The following ITIH2 variants were observed in gnomAD, a reference collection of about 807,000 sequenced individuals.
The protein encoded by ITIH2 is inter-alpha-trypsin inhibitor heavy chain 2.
In ITIH2, 103 loss-of-function variants were observed where a neutral mutation model predicts 104.4. The observed-to-expected ratio is 0.99, with a 90% CI of 0.84 to 1.16. The LOEUF is 1.16. ITIH2 is among the 50% of genes most tolerant of loss of function. The pLI is 0.00. For missense variants in ITIH2, 1,108 were observed against 1,162.4 expected (o/e 0.95, Z 0.68); for synonymous variants, 436 against 435.4 (o/e 1.00, Z -0.02).
At chr10:7,706,084 G>A (rs1484448991) in intron 2 of ITIH2, among the ~76,000 whole-genome samples, 1 of 152,012 alleles carries the variant, frequency 6.6e-6, no homozygotes. Flanking sequence ...ATTTTGTATG[G>A]GTGTGAATTT....
intron 8 of ITIH2, among the ~76,000 whole-genome samples, chr10:7,722,180 T>C (rs916643679): frequency 2.0e-5 from 3 of 152,146 alleles, no homozygotes; most frequent in African/African-American, 7.2e-5. Context: ...GGCCAAGGTT[T>C]ATCATGAAGT....
intron 20 of ITIH2, 121 bp from the exon 21 acceptor site, chr10:7,749,066 G>C (rs549000194): frequency 1.1e-6 from 1 of 933,868 alleles, no homozygotes; most frequent in Non-Finnish European, 1.7e-6. Flanking sequence ...GGGGAGCAGC[G>C]ATAGGTGGGG....
chr10:7,719,782 A>AAAAAAAAAAAAAAAAAAAAAAAAAAAAAC (rs754890159), intron 6 of ITIH2, among the ~76,000 whole-genome samples: 2 of 137,092 alleles, frequency 1.5e-5, no homozygotes, highest in African/African-American at 2.9e-5. Context: ...AAAAAAAAAA[A>AAAAAAAAAAAAAAAAAAAAAAAAAAAAAC]AGAAAGAAAG....
At chr10:7,719,760 CAAAAAAAAAAAAAA>C (rs71385664) in intron 6 of ITIH2, among the ~76,000 whole-genome samples, 1 of 41,718 alleles carries the variant, frequency 2.4e-5, no homozygotes, top group African/African-American at 1.0e-4. Flanking sequence ...GACCCTGTCT[CAAAAAAAAAAAAAA>C]AAAAAAAAAG....
Position 7,724,372 on chromosome 10 carries a change from A to G in ITIH2, c.984+805A>G, listed in dbSNP as rs139221791. On this transcript the variant is annotated intron_variant, in intron 9 of 20. Transcript: ENST00000358415. ...GATCACCTGAGGTTGGGAGTTTGAG[A>G]CCAGCCTGACCAACATGGAGAAACC... is the stretch of plus-strand genomic sequence containing the variant. Among the ~76,000 whole-genome samples, 25 of 152,096 alleles carry G rather than the reference A, an allele frequency of 1.6e-4. No homozygotes were observed. The East Asian group carries it at 4.8e-3, about 29-fold the overall frequency.
intron 4 of ITIH2, among the ~76,000 whole-genome samples, chr10:7,710,073 C>T (rs1055230212): frequency 2.6e-5 from 4 of 152,274 alleles, no homozygotes; most frequent in African/African-American, 9.6e-5. Context: ...AGGATGGTCT[C>T]GATCTCTTGA....
At chr10:7,712,939 C>T (rs569527507) in intron 4 of ITIH2, among the ~76,000 whole-genome samples, 1 of 150,212 alleles carries the variant, frequency 6.7e-6, no homozygotes, top group Non-Finnish European at 1.5e-5. Context: ...GCCAACATGG[C>T]GAAACCCAAT....
intron 6 of ITIH2, 91 bp from the exon 7 acceptor site, chr10:7,720,764 AG>A: frequency 1.3e-6 from 1 of 760,660 alleles, no homozygotes; most frequent in Non-Finnish European, 2.3e-6. Flanking sequence ...GGAGGAGAAA[AG>A]CATCAGAGGA....
rs1348574678 is a variant in ITIH2, at chr10:7,727,802, T to A, written c.1253T>A (p.Leu418Ter). ...CCCAACTCCGTCTCGCTGATCATTTTGGTTTCTGATGGAGATCCAACAGTG... is the reference window on the plus strand; with the variant it reads ...CCCAACTCCGTCTCGCTGATCATTTAGGTTTCTGATGGAGATCCAACAGTG... ...LDPNSVSLII[L>*]VSDGDPTVGE... The change falls in exon 11 of 21, where the codon TTG (leucine) becomes TAG (stop). Residue 418 changes from leucine (L) to a stop codon, truncating the protein, a stop_gained. Coordinates refer to ENST00000358415, the MANE Select transcript of ITIH2 (RefSeq NM_002216.3). LOFTEE classifies it high-confidence loss of function. 1 of 1,614,222 alleles carries A rather than the reference T, an allele frequency of 6.2e-7. No individual in the cohort carries two copies. Among genetic ancestry groups the A allele is most frequent in the Middle Eastern group, 1.6e-4 (1 of 6,062 alleles).
At chr10:7,711,948 G>A (rs1834799941) in intron 4 of ITIH2, among the ~76,000 whole-genome samples, 1 of 152,170 alleles carries the variant, frequency 6.6e-6, no homozygotes, top group African/African-American at 2.4e-5. Flanking sequence ...GTAAGGATTA[G>A]GTGCTAGCCA....
rs899392681 is a variant in ITIH2 at position 7,747,515 on chromosome 10, A to T, written c.2693+811A>T. On this transcript the variant is annotated intron_variant, in intron 20 of 20. Transcript: ENST00000358415. ...ATGGGAGGAATGAGGTACCGACGGG[A>T]ATCAGTGAGCATGTGTCACAGAAGC... 2.0e-5 allele frequency among the ~76,000 whole-genome samples: 3 copies of T among 152,208 alleles called. No individual in the cohort carries two copies. The East Asian group carries it at 5.8e-4, about 29-fold the overall frequency.
intron 6 of ITIH2, among the ~76,000 whole-genome samples, chr10:7,718,930 C>T (rs141506003): frequency 6.6e-6 from 1 of 152,336 alleles, no homozygotes; most frequent in Non-Finnish European, 1.5e-5. Flanking sequence ...CTCACCTCTG[C>T]TGTCATCTTC....
At chr10:7,729,929 C>G in intron 11 of ITIH2, 23 bp from the exon 12 acceptor site, 2 of 1,556,600 alleles carry the variant, frequency 1.3e-6, no homozygotes, top group Non-Finnish European at 1.7e-6. Flanking sequence ...CATTCCTTTC[C>G]TTTCGGACAT....
At chr10:7,715,008 A>G (rs1350752450) in intron 5 of ITIH2, among the ~76,000 whole-genome samples, 4 of 152,226 alleles carry the variant, frequency 2.6e-5, no homozygotes, top group Non-Finnish European at 4.4e-5. Context: ...ACCAAACCCC[A>G]GAGGATACAG....
At chr10:7,703,875 A>G (rs567666523) in intron 1 of ITIH2, among the ~76,000 whole-genome samples, 2 of 152,330 alleles carry the variant, frequency 1.3e-5, no homozygotes, top group African/African-American at 4.8e-5. Context: ...GAGCGCCTGG[A>G]CTAGTAAGTG....
intron 15 of ITIH2, among the ~76,000 whole-genome samples, chr10:7,735,325 T>C (rs904721739): frequency 6.6e-6 from 1 of 152,298 alleles, no homozygotes; most frequent in East Asian, 1.9e-4. Context: ...TGCGTACCCC[T>C]TCCAACATTT....
intron 6 of ITIH2, among the ~76,000 whole-genome samples, chr10:7,720,158 T>A (rs1274458941): frequency 3.5e-5 from 5 of 144,216 alleles, no homozygotes; most frequent in East Asian, 2.1e-4. Flanking sequence ...GGGAGTGGGG[T>A]GAGGGATGAG....
Position 7,735,073 on chromosome 10 carries a change from G to A in ITIH2, c.1939G>A (p.Asp647Asn). 2 of 1,609,588 alleles carry A rather than the reference G, an allele frequency of 1.2e-6. No homozygotes were observed. Among genetic ancestry groups the A allele is most frequent in the Non-Finnish European group, 1.7e-6 (2 of 1,179,672 alleles). ...CATGCTGGCGGATGCCCCACCGCAG[G>A]ATCCCTCCTGCTGCTCAGGTCAGGG... is the stretch of plus-strand genomic sequence containing the variant. ...ERMLADAPPQDPSCCSGALYY... is the reference protein window; with the variant it reads ...ERMLADAPPQNPSCCSGALYY... Residue 647 changes from aspartate to asparagine, a missense_variant, in exon 15 of 21, where the codon GAT (aspartate) becomes AAT (asparagine). Transcript: ENST00000358415.
In ITIH2 at chr10:7,736,040, T is replaced by TA. The variant is rs1417509673; in HGVS notation, c.1957+955dup. Reference sequence around the variant, plus strand: ...TTGGTTACTCACTATCACTCATTTTTAAAAAATACATAAGCAAATCCTATA... The same window carrying TA: ...TTGGTTACTCACTATCACTCATTTTTAAAAAAATACATAAGCAAATCCTATA... On this transcript the variant is annotated intron_variant, in intron 15 of 20. Transcript: ENST00000358415. Among the ~76,000 whole-genome samples the TA allele has an allele frequency of 4.3e-4, 66 of 152,214 alleles. 1 individual carries two copies. Among genetic ancestry groups the TA allele is most frequent in the Middle Eastern group, 6.8e-3 (2 of 294 alleles).
Sources: allele counts gnomAD v4.1 joint callset (sites outside exome capture counted in the v4.1 genomes callset), GRCh38; gene constraint gnomAD v4.1.1; transcripts MANE v1.5; gene names NCBI Gene and HGNC (gene_info 2026-07-23, HGNC 2026-07-21).